The following RARB variants were observed in gnomAD, a reference collection of about 807,000 sequenced individuals.
RARB encodes retinoic acid receptor beta.
Under a neutral mutation model 51.9 loss-of-function variants are expected in RARB, and 17 were observed. The ratio of observed to expected loss-of-function variants is 0.33; its 90% confidence interval spans 0.22 to 0.49. The LOEUF (loss-of-function observed/expected upper bound fraction) is 0.49. Among genes scored for constraint, RARB ranks in the 20% least tolerant of loss-of-function variants. The pLI, the probability that RARB is intolerant of heterozygous loss-of-function variation, is 0.99. For synonymous variants in RARB, 215 were observed against 195.4 expected (o/e 1.10, Z -0.84); for missense variants, 369 against 550.8 (o/e 0.67, Z 3.30).
chr3:25,538,173 GA>G (rs1699221837), intron 3 of RARB, among the ~76,000 whole-genome samples: 1 of 151,950 alleles, frequency 6.6e-6, no homozygotes, highest in Non-Finnish European at 1.5e-5. Context: ...ATTGTGAAAG[GA>G]CTTTAAAATG....
intron 3 of RARB, among the ~76,000 whole-genome samples, chr3:25,092,318 C>T (rs1254562144): frequency 6.6e-6 from 1 of 152,082 alleles, no homozygotes; most frequent in Non-Finnish European, 1.5e-5. Context: ...GCCTTTTTCT[C>T]TTAGTTTCAT....
At chr3:25,227,508 G>C (rs1188194686) in intron 5 of RARB, among the ~76,000 whole-genome samples, 1 of 151,956 alleles carries the variant, frequency 6.6e-6, no homozygotes, top group African/African-American at 2.4e-5. Flanking sequence ...TCGTAATACA[G>C]ATATTCTCTA....
chr3:25,365,312 A>G (rs1015670412), intron 5 of RARB, among the ~76,000 whole-genome samples: 13 of 138,332 alleles, frequency 9.4e-5, no homozygotes, highest in Non-Finnish European at 1.2e-4. Context: ...GGGTTTCACC[A>G]TGTTGCCCAG....
intron 5 of RARB, among the ~76,000 whole-genome samples, chr3:25,321,898 TG>T (rs932904404): frequency 6.6e-6 from 1 of 151,354 alleles, no homozygotes; most frequent in Non-Finnish European, 1.5e-5. Context: ...AAAGATTATT[TG>T]GGGAATTTGT....
intron 2 of RARB, among the ~76,000 whole-genome samples, chr3:24,926,679 G>A (rs1356694936): frequency 1.9e-4 from 29 of 151,950 alleles, no homozygotes; most frequent in Admixed American, 6.6e-5. Flanking sequence ...TGAGGAGTTT[G>A]ATTTTTGGTA....
intron 2 of RARB, among the ~76,000 whole-genome samples, chr3:25,483,968 G>A (rs1359462954): frequency 2.6e-5 from 4 of 152,180 alleles, no homozygotes. Context: ...GGTTATAAAT[G>A]TTAATTCAAT....
At chr3:25,201,356 T>A (rs1016640804) in intron 5 of RARB, among the ~76,000 whole-genome samples, 1 of 152,208 alleles carries the variant, frequency 6.6e-6, no homozygotes, top group Non-Finnish European at 1.5e-5. Flanking sequence ...TTTCTAGATA[T>A]ACAATCATGT....
intron 2 of RARB, among the ~76,000 whole-genome samples, chr3:25,495,774 C>T (rs1035318401): frequency 6.6e-6 from 1 of 152,154 alleles, no homozygotes; most frequent in African/African-American, 2.4e-5. Flanking sequence ...GCTTAACTAT[C>T]ATAAACAACA....
rs544212832 is a variant in RARB at position 25,194,474 on chromosome 3, AGT to A, written c.178+19904_178+19905del. On this transcript the variant is annotated intron_variant, in intron 5 of 11. Transcript: ENST00000383772. ...TAATCAAATAGTATATATATACAGT[AGT>A]GTGTATATATATATATACACACACA... Among the ~76,000 whole-genome samples the A allele has an allele frequency of 5.0e-3, 755 of 150,420 alleles. 5 individuals carry two copies. Among genetic ancestry groups the A allele is most frequent in the African/African-American group, 0.017 (691 of 40,878 alleles).
At chr3:25,504,982 T>A (rs1210620126) in intron 3 of RARB, among the ~76,000 whole-genome samples, 1 of 152,172 alleles carries the variant, frequency 6.6e-6, no homozygotes, top group African/African-American at 2.4e-5. Context: ...ATTCATCATG[T>A]TGGCCAGGCT....
At chr3:24,860,389 C>T (rs1702728379) in intron 2 of RARB, among the ~76,000 whole-genome samples, 1 of 152,164 alleles carries the variant, frequency 6.6e-6, no homozygotes, top group African/African-American at 2.4e-5. Context: ...AGAGAGTTGT[C>T]AGCTTGGTTG....
intron 2 of RARB, among the ~76,000 whole-genome samples, chr3:24,943,754 C>A (rs183053161): frequency 6.6e-6 from 1 of 152,248 alleles, no homozygotes; most frequent in Non-Finnish European, 1.5e-5. Flanking sequence ...GATCCATTTT[C>A]TGAATAAGCA....
intron 2 of RARB, among the ~76,000 whole-genome samples, chr3:24,925,713 T>C (rs986907665): frequency 6.6e-6 from 1 of 151,752 alleles, no homozygotes; most frequent in African/African-American, 2.4e-5. Flanking sequence ...TCTACTCTTT[T>C]TGAAATGCGG....
At chr3:25,425,000 A>G (rs1707950383), upstream of RARB, among the ~76,000 whole-genome samples, 1 of 152,128 alleles carries the variant, frequency 6.6e-6, no homozygotes, top group South Asian at 2.1e-4. Context: ...AACAAAATGG[A>G]TTTTACTCTC....
intron 7 of RARB, among the ~76,000 whole-genome samples, chr3:25,594,956 G>A (rs1701762604): frequency 6.6e-6 from 1 of 151,982 alleles, no homozygotes; most frequent in South Asian, 2.1e-4. Context: ...ACTAAAACAG[G>A]CTAATTCTCT....
chr3:24,920,696 G>A (rs193276042), intron 2 of RARB, among the ~76,000 whole-genome samples: 222 of 152,224 alleles, frequency 1.5e-3, no homozygotes, highest in Non-Finnish European at 2.3e-3. Flanking sequence ...TTCCATTTCT[G>A]GTTATGCCAC....
chr3:25,517,454 C>T (rs978803739), intron 3 of RARB, among the ~76,000 whole-genome samples: 2 of 152,170 alleles, frequency 1.3e-5, no homozygotes, highest in Admixed American at 6.5e-5. Flanking sequence ...TGCTGCTTCA[C>T]ACCCATTAAG....
chr3:25,080,368 A>G (rs895792951), intron 3 of RARB, among the ~76,000 whole-genome samples: 2 of 152,186 alleles, frequency 1.3e-5, no homozygotes, highest in East Asian at 1.9e-4. Context: ...CATTTTAGCT[A>G]TTTGAATAAT....
chr3:25,158,809 C>G (rs527269810), intron 4 of RARB, among the ~76,000 whole-genome samples: 13 of 152,300 alleles, frequency 8.5e-5, no homozygotes, highest in African/African-American at 3.1e-4. Flanking sequence ...TACAACTATT[C>G]AGAGACCCAA....
Sources: allele counts gnomAD v4.1 joint callset (sites outside exome capture counted in the v4.1 genomes callset), GRCh38; gene constraint gnomAD v4.1.1; transcripts MANE v1.5; gene names NCBI Gene and HGNC (gene_info 2026-07-23, HGNC 2026-07-21).